SNAP25: variants seen among roughly 807,000 people sequenced by gnomAD.
SNAP25 encodes synaptosome associated protein 25.
Under a neutral mutation model 28.7 loss-of-function variants are expected in SNAP25, and 3 were observed. That is an observed-to-expected ratio of 0.10 (90% CI 0.05 to 0.27). The LOEUF (loss-of-function observed/expected upper bound fraction) is 0.27, where lower values mean the gene tolerates loss of function less well. Among genes scored for constraint, SNAP25 ranks in the 10% least tolerant of loss-of-function variants. The pLI, the probability that SNAP25 is intolerant of heterozygous loss-of-function variation, is 1.00. For synonymous variants in SNAP25, 61 were observed against 88.1 expected, an observed-to-expected ratio of 0.69 and a Z score of 1.72; for missense variants, 117 against 278.7, an observed-to-expected ratio of 0.42 and a Z score of 4.13.
intron 1 of SNAP25, among the ~76,000 whole-genome samples, chr20:10,239,639 G>C (rs1446749332): frequency 6.6e-6 from 1 of 152,228 alleles, no homozygotes; most frequent in Non-Finnish European, 1.5e-5. Context: ...GCCAAATGCA[G>C]TAGGTAATCT....
At chr20:10,221,771 T>G (rs1200781098) in intron 1 of SNAP25, among the ~76,000 whole-genome samples, 1 of 152,192 alleles carries the variant, frequency 6.6e-6, no homozygotes, top group African/African-American at 2.4e-5. Flanking sequence ...AACCCTTGAG[T>G]GAGGGTTATC....
chr20:10,263,725 GGAAGAGACC>G (rs2063459764), intron 1 of SNAP25, among the ~76,000 whole-genome samples: 1 of 152,194 alleles, frequency 6.6e-6, no homozygotes, highest in Admixed American at 6.5e-5. Context: ...GGATGGGGAA[GGAAGAGACC>G]CAAACGCAAA....
At chr20:10,283,575 C>A (rs1427597807) in intron 3 of SNAP25, among the ~76,000 whole-genome samples, 3 of 152,174 alleles carry the variant, frequency 2.0e-5, no homozygotes, top group Non-Finnish European at 4.4e-5. Flanking sequence ...TCACAGAAAT[C>A]ATTTTCAGCA....
At chr20:10,305,203 C>G (rs891710743) in intron 7 of SNAP25, among the ~76,000 whole-genome samples, 3 of 152,068 alleles carry the variant, frequency 2.0e-5, no homozygotes, top group African/African-American at 7.2e-5. Context: ...GCAAGTTTGT[C>G]TTAATTGTTG....
intron 1 of SNAP25, among the ~76,000 whole-genome samples, chr20:10,257,882 C>CAA (rs57183397): frequency 8.2e-4 from 69 of 84,020 alleles, no homozygotes; most frequent in African/African-American, 1.0e-3. Flanking sequence ...GACTCTGTCT[C>CAA]AAAAAAAAAA....
chr20:10,300,651 G>T (rs1220317338), intron 7 of SNAP25, among the ~76,000 whole-genome samples: 4 of 152,044 alleles, frequency 2.6e-5, no homozygotes, highest in African/African-American at 9.7e-5. Context: ...AGGCATAAAG[G>T]GAACACTTTG....
intron 1 of SNAP25, among the ~76,000 whole-genome samples, chr20:10,243,633 G>A (rs944916134): frequency 4.6e-5 from 7 of 152,094 alleles, no homozygotes; most frequent in African/African-American, 1.4e-4. Flanking sequence ...TGTTAGACTC[G>A]GGTTATGGGT....
chr20:10,275,770 C>G (rs1382039800), intron 2 of SNAP25, among the ~76,000 whole-genome samples: 1 of 152,148 alleles, frequency 6.6e-6, no homozygotes, highest in Middle Eastern at 3.2e-3. Context: ...TGTCTTGGCC[C>G]TAACTCTCAA....
At chr20:10,278,915 G>A (rs932526691) in intron 3 of SNAP25, among the ~76,000 whole-genome samples, 1 of 120,562 alleles carries the variant, frequency 8.3e-6, no homozygotes, top group Non-Finnish European at 1.7e-5. Context: ...GGAAGCCGGG[G>A]AAGTGGGTGG....
intron 4 of SNAP25, among the ~76,000 whole-genome samples, chr20:10,288,180 TA>T (rs902065151): frequency 7.9e-5 from 12 of 151,870 alleles, no homozygotes; most frequent in African/African-American, 2.7e-4. Context: ...TAAAAAAATT[TA>T]AAAAATAAAT....
intron 1 of SNAP25, among the ~76,000 whole-genome samples, chr20:10,266,030 T>C (rs2063500771): frequency 6.6e-6 from 1 of 152,216 alleles, no homozygotes; most frequent in Non-Finnish European, 1.5e-5. Context: ...TCCTATCACA[T>C]TGCAAGTTCT....
rs138340404 is a variant in SNAP25 at position 10,253,039 on chromosome 20, T to A, written c.-63-22390T>A. 3.3e-3 allele frequency among the ~76,000 whole-genome samples: 508 copies of A among 152,264 alleles called. 5 individuals carry two copies. Among genetic ancestry groups the A allele is most frequent in the African/African-American group, 0.012 (484 of 41,546 alleles). Reference sequence around the variant, plus strand: ...GTACATCTTAAGGACCTAGTAAAGGTTACCTGTTCTTAATTATCATTTCCA... The same window carrying A: ...GTACATCTTAAGGACCTAGTAAAGGATACCTGTTCTTAATTATCATTTCCA... On this transcript the variant is annotated intron_variant, in intron 1 of 7. Transcript: ENST00000254976.
At chr20:10,231,081 T>C (rs2062821530) in intron 1 of SNAP25, among the ~76,000 whole-genome samples, 1 of 151,988 alleles carries the variant, frequency 6.6e-6, no homozygotes, top group Non-Finnish European at 1.5e-5. Context: ...GGAAAAAGTG[T>C]CCCCAGTGCA....
intron 5 of SNAP25, chr20:10,296,571 C>CTG (rs73618113): frequency 0.5 from 114,019 of 230,276 alleles, 29,140 homozygotes; most frequent in African/African-American, 0.57. Flanking sequence ...ATGTTTTTCT[C>CTG]TGTTTTATGT....
At chr20:10,276,125 C>T (rs62185257) in intron 2 of SNAP25, among the ~76,000 whole-genome samples, 75 of 152,310 alleles carry the variant, frequency 4.9e-4, no homozygotes, top group Middle Eastern at 3.4e-3. Flanking sequence ...GTCTTTCCAA[C>T]TTCATGATCA....
intron 1 of SNAP25, among the ~76,000 whole-genome samples, chr20:10,257,882 C>CA (rs57183397): frequency 0.026 from 2,179 of 83,780 alleles, 46 homozygotes; most frequent in African/African-American, 0.044. Context: ...GACTCTGTCT[C>CA]AAAAAAAAAA....
At chr20:10,223,730 A>G (rs1182769481) in intron 1 of SNAP25, among the ~76,000 whole-genome samples, 1 of 152,134 alleles carries the variant, frequency 6.6e-6, no homozygotes, top group Non-Finnish European at 1.5e-5. Context: ...AACCCCAGCT[A>G]CACTGTGAAC....
chr20:10,279,449 C>A (rs2063745120), intron 3 of SNAP25, among the ~76,000 whole-genome samples: 1 of 152,172 alleles, frequency 6.6e-6, no homozygotes, highest in Admixed American at 6.5e-5. Flanking sequence ...TCAGAACCGT[C>A]ACTAATTTGC....
chr20:10,248,632 G>A (rs1395834963), intron 1 of SNAP25, among the ~76,000 whole-genome samples: 1 of 152,144 alleles, frequency 6.6e-6, no homozygotes, highest in Non-Finnish European at 1.5e-5. Flanking sequence ...GGAAAATGGG[G>A]CACAGAGAGG....
Sources: allele counts gnomAD v4.1 joint callset (sites outside exome capture counted in the v4.1 genomes callset), GRCh38; gene constraint gnomAD v4.1.1; transcripts MANE v1.5; gene names NCBI Gene and HGNC (gene_info 2026-07-23, HGNC 2026-07-21).